The following LRP2 variants were observed in gnomAD, a reference collection of about 807,000 sequenced individuals.
LRP2 encodes low-density lipoprotein receptor-related protein 2.
A neutral mutation model predicts 531.0 loss-of-function variants in LRP2; 172 were observed. The ratio of observed to expected loss-of-function variants is 0.32; its 90% CI spans 0.29 to 0.37. The LOEUF (loss-of-function observed/expected upper bound fraction) is 0.37, where lower values mean the gene tolerates loss of function less well. Ranked by LOEUF, LRP2 falls within the 10% of genes least tolerant of loss-of-function variation. The probability of loss-of-function intolerance (pLI) is 1.00; values close to 1 mark genes in which losing one functional copy is unlikely to be tolerated. For missense variants in LRP2, 5,167 were observed against 5,868.3 expected (o/e 0.88, Z 3.90); for synonymous variants, 1,992 against 2,027.6 (o/e 0.98, Z 0.47).
chr2:169,303,221 A>G (rs1011546587), intron 4 of LRP2, among the ~76,000 whole-genome samples: 5 of 152,172 alleles, frequency 3.3e-5, no homozygotes, highest in African/African-American at 1.2e-4. Flanking sequence ...AAAGGTTTAG[A>G]CAATAATATG....
chr2:169,222,829 T>C (rs1030843250), intron 33 of LRP2, among the ~76,000 whole-genome samples: 3 of 152,118 alleles, frequency 2.0e-5, no homozygotes, highest in African/African-American at 7.2e-5. Context: ...CCTCGGAAAG[T>C]GAAACCCTCC....
intron 1 of LRP2, among the ~76,000 whole-genome samples, chr2:169,326,706 C>CTG (rs1685071983): frequency 6.6e-6 from 1 of 151,400 alleles, no homozygotes; most frequent in South Asian, 2.1e-4. Context: ...GCCCCTCTGC[C>CTG]TGGCTGCCCA....
At chr2:169,317,874 C>T (rs3770623) in intron 3 of LRP2, among the ~76,000 whole-genome samples, 50,000 of 151,688 alleles carry the variant, frequency 0.33, 8,717 homozygotes, top group African/African-American at 0.46. Flanking sequence ...GCCCAGGATT[C>T]CAGACCAGCC....
chr2:169,141,825 G>A (rs1685728666), intron 71 of LRP2, among the ~76,000 whole-genome samples: 1 of 152,198 alleles, frequency 6.6e-6, no homozygotes, highest in Admixed American at 6.5e-5. Context: ...GCGTTGGGAT[G>A]AGTGCAAGAG....
intron 56 of LRP2, among the ~76,000 whole-genome samples, chr2:169,173,475 A>G (rs1687076222): frequency 6.6e-6 from 1 of 152,198 alleles, no homozygotes. Flanking sequence ...GGGGAAGGAC[A>G]GGGTTTGAAG....
chr2:169,197,108 C>A (rs1574121844), intron 45 of LRP2, 78 bp from the exon 46 acceptor site: 3 of 1,549,448 alleles, frequency 1.9e-6, no homozygotes, highest in African/African-American at 2.7e-5. Flanking sequence ...CTGCCTCTAT[C>A]TCTGAGCTAG....
intron 21 of LRP2, among the ~76,000 whole-genome samples, chr2:169,245,757 A>G (rs1220164197): frequency 4.6e-5 from 7 of 152,262 alleles, no homozygotes. Flanking sequence ...GAAAAGGAAT[A>G]TAACACATGA....
chr2:169,296,020 A>G (rs1574230546), intron 4 of LRP2, among the ~76,000 whole-genome samples: 1 of 152,282 alleles, frequency 6.6e-6, no homozygotes, highest in East Asian at 1.9e-4. Flanking sequence ...TATATTGAAG[A>G]TAATTCTTTG....
chr2:169,320,586 T>C (rs1233974191), intron 2 of LRP2, among the ~76,000 whole-genome samples, 191 bp downstream of exon 2: 1 of 152,214 alleles, frequency 6.6e-6, no homozygotes, highest in Non-Finnish European at 1.5e-5. Flanking sequence ...ATTGAACCCC[T>C]ACCTCAGAAG....
rs1288417330 is a variant in LRP2 at position 169,243,494 on chromosome 2, C to A, written c.3459G>T (p.Gln1153His). Residue 1153 changes from glutamine to histidine, a missense_variant, in exon 23 of 79, where the codon CAG becomes CAT. Gln to His is a conservative substitution (Grantham distance 24). Transcript: ENST00000649046. ...TACATCGATGATTGGGGCAATTAAA[C>A]TGACTAGGTTGGCATGTCTCTGTCG... ...CNSTETCQPS[Q>H]FNCPNHRCID... 6.2e-7 allele frequency: 1 copy of A among 1,614,000 alleles called. No homozygotes were observed. The highest frequency in any genetic ancestry group is 1.3e-5 in the African/African-American group (1 of 74,908).
Position 169,237,932 on chromosome 2 carries a change from G to A in LRP2, c.4506+159C>T, listed in dbSNP as rs1028692344. 2.0e-5 allele frequency among the ~76,000 whole-genome samples: 3 copies of A among 152,202 alleles called. No individual in the cohort carries two copies. The South Asian group carries it at 6.2e-4, about 32-fold the overall frequency. On this transcript the variant is annotated intron_variant, in intron 27 of 78. Coordinates refer to ENST00000649046, the MANE Select transcript of LRP2 (RefSeq NM_004525.3). ...TCCTATCTAAAACAGCCATAAATTC[G>A]TAGTTATGAACACGCAAGTCTCTTG...
At chr2:169,335,013 A>T (rs1001108307) in intron 1 of LRP2, among the ~76,000 whole-genome samples, 4 of 152,150 alleles carry the variant, frequency 2.6e-5, no homozygotes, top group African/African-American at 9.7e-5. Flanking sequence ...GCTTGGTAGG[A>T]TGCTCAACAC....
At chr2:169,208,374 C>T (rs1187658862) in intron 38 of LRP2, among the ~76,000 whole-genome samples, 1 of 152,174 alleles carries the variant, frequency 6.6e-6, no homozygotes, top group Non-Finnish European at 1.5e-5. Context: ...CTTTATTTAA[C>T]CATACTTCCA....
At position 169,292,360 on chromosome 2, in the gene LRP2, G is replaced by A. The variant is rs1451506980; in HGVS notation, c.662C>T (p.Thr221Ile). The A allele has an allele frequency of 1.2e-6, 2 of 1,611,008 alleles. No individual in the cohort carries two copies. The highest frequency in any genetic ancestry group is 1.7e-6 in the Non-Finnish European group (2 of 1,177,238). Residue 221 changes from threonine (T) to isoleucine (I), a missense_variant, in exon 7 of 79, where the codon ACC becomes ATC. Coordinates refer to ENST00000649046, the MANE Select transcript of LRP2 (RefSeq NM_004525.3). ...GCAAGTGAACTGGTAACCACCGCAG[G>A]TCGGATAGTCTGGAATAAAGCAACA... Reference protein sequence around the residue: ...GSDEHACNYPTCGGYQFTCPS... With the variant: ...GSDEHACNYPICGGYQFTCPS...
In LRP2 at chr2:169,272,930, T is replaced by C. The variant is rs140552043; in HGVS notation, c.2113A>G (p.Ile705Val). ...FQLDTDERHCIAVQNFLIFSS... is the reference protein window; with the variant it reads ...FQLDTDERHCVAVQNFLIFSS... The stretch of plus-strand genomic sequence containing the variant: ...ACGTCCAAAACAGACTTCTTACCAA[T>C]GCAGTGGCGCTCATCTGTATCCAGT... The change falls in exon 15 of 79, where the codon ATT (isoleucine) becomes GTT (valine). Residue 705 changes from isoleucine to valine, a missense_variant. Around this residue, in one of 6 missense-constraint regions of LRP2, gnomAD observed 2,811 missense variants for 3,058.0 expected, o/e 0.92. Transcript: ENST00000649046. The C allele has an allele frequency of 5.0e-6, 8 of 1,613,520 alleles. No homozygotes were observed. In the African/African-American group the frequency reaches 1.1e-4, roughly 22 times the overall value.
chr2:169,304,069 T>A (rs1008864481), intron 4 of LRP2, among the ~76,000 whole-genome samples: 9 of 152,212 alleles, frequency 5.9e-5, no homozygotes, highest in Non-Finnish European at 1.2e-4. Context: ...TGTGAGCCGG[T>A]TGTATTAGTG....
intron 72 of LRP2, 104 bp downstream of exon 72, chr2:169,140,351 T>C (rs774866865): frequency 3.1e-5 from 27 of 861,088 alleles, no homozygotes; most frequent in Non-Finnish European, 5.2e-5. Context: ...TAAGAATTAG[T>C]GAACTGGTGA....
intron 16 of LRP2, among the ~76,000 whole-genome samples, chr2:169,267,370 G>C (rs1452522096): frequency 6.6e-6 from 1 of 152,000 alleles, no homozygotes. Flanking sequence ...GCACTCCTCA[G>C]CAAATGTAAA....
At position 169,225,382 on chromosome 2, in the gene LRP2, A is replaced by G. The variant is rs775020369; in HGVS notation, c.5466T>C (p.Pro1822=). The change falls in exon 33 of 79, where the codon CCT becomes CCC. Residue 1822 remains proline (P), a synonymous_variant. Coordinates refer to ENST00000649046, the MANE Select transcript of LRP2 (RefSeq NM_004525.3). ...TVFASISMVG[P]SMNLALDWIS... ...TCCAATCTAAGGCCAGGTTCATAGAAGGCCCCACCATAGATATAGAAGCAA... is the reference window on the plus strand; with the variant it reads ...TCCAATCTAAGGCCAGGTTCATAGAGGGCCCCACCATAGATATAGAAGCAA... The G allele has an allele frequency of 3.1e-6, 5 of 1,613,882 alleles. No individual in the cohort carries two copies. The highest frequency in any genetic ancestry group is 3.4e-6 in the Non-Finnish European group (4 of 1,179,926).
Sources: allele counts gnomAD v4.1 joint callset (sites outside exome capture counted in the v4.1 genomes callset), GRCh38; gene constraint gnomAD v4.1.1; regional missense constraint gnomAD v4.1.1; transcripts MANE v1.5; gene names NCBI Gene and HGNC (gene_info 2026-07-23, HGNC 2026-07-21).